Variants in SMYD3 observed in about 807,000 individuals in gnomAD.
The protein encoded by SMYD3 is histone-lysine N-methyltransferase SMYD3.
SMYD3 carries 36 observed loss-of-function variants against 57.7 expected under a neutral mutation model. The ratio of observed to expected loss-of-function variants is 0.62; its 90% confidence interval spans 0.48 to 0.82. SMYD3 has a LOEUF of 0.82. Ranked by LOEUF, SMYD3 falls within the 40% of genes least tolerant of loss-of-function variation. The pLI, the probability that SMYD3 is intolerant of heterozygous loss-of-function variation, is 0.00. For missense variants in SMYD3, 515 were observed against 538.8 expected, an observed-to-expected ratio of 0.96 and a Z score of 0.44; for synonymous variants, 211 against 195.0, an observed-to-expected ratio of 1.08 and a Z score of -0.68.
intron 10 of SMYD3, among the ~76,000 whole-genome samples, chr1:245,857,573 C>A (rs2051314544): frequency 1.5e-5 from 1 of 68,828 alleles, no homozygotes; most frequent in Non-Finnish European, 4.9e-5. Context: ...AATTAAAGAT[C>A]TGCCCAGGTT....
intron 5 of SMYD3, among the ~76,000 whole-genome samples, chr1:246,299,148 G>A (rs1466277458): frequency 6.6e-6 from 1 of 152,056 alleles, no homozygotes; most frequent in Non-Finnish European, 1.5e-5. Context: ...GATGTATACT[G>A]ATGTTCCCTA....
At chr1:245,993,659 C>CAGAT (rs2058860555) in intron 5 of SMYD3, among the ~76,000 whole-genome samples, 1 of 113,790 alleles carries the variant, frequency 8.8e-6, no homozygotes, top group East Asian at 2.4e-4. Context: ...GACAGACAGA[C>CAGAT]AGACAGATAT....
At chr1:245,989,041 C>T (rs1365238869) in intron 5 of SMYD3, among the ~76,000 whole-genome samples, 1 of 152,246 alleles carries the variant, frequency 6.6e-6, no homozygotes, top group Non-Finnish European at 1.5e-5. Flanking sequence ...AGGCTGAACA[C>T]ATTGTAACTT....
intron 5 of SMYD3, among the ~76,000 whole-genome samples, chr1:246,136,593 A>C (rs1263566513): frequency 6.6e-6 from 1 of 152,252 alleles, no homozygotes; most frequent in African/African-American, 2.4e-5. Context: ...GACAATGTAC[A>C]GCATGGGCTC....
rs1293752467 is a variant in SMYD3, at chr1:245,829,094, T to A, written c.1076+29402A>T. Among the ~76,000 whole-genome samples the A allele has an allele frequency of 2.1e-5, 3 of 140,198 alleles. No individual in the cohort carries two copies. The East Asian group carries it at 6.5e-4, about 30-fold the overall frequency. The allele number at this position is 140,198 out of a possible 152,430, so 92.0% of individuals were successfully genotyped here. On this transcript the variant is annotated intron_variant, in intron 10 of 11. Transcript: ENST00000490107. ...GGCTTTTTTTTTTTTTTTTCTGTAC[T>A]GCCCTCCAGAAGGAAGACAATCACT... is the stretch of plus-strand genomic sequence containing the variant.
intron 10 of SMYD3, among the ~76,000 whole-genome samples, chr1:245,791,237 G>A (rs936308504): frequency 2.0e-5 from 3 of 152,160 alleles, no homozygotes; most frequent in Admixed American, 1.3e-4. Flanking sequence ...GGCATCTTAT[G>A]GGGAATAAAA....
rs566010825 is a variant in SMYD3 at position 246,497,179 on chromosome 1, T to G, written c.164+9875A>C. The stretch of plus-strand genomic sequence containing the variant: ...CAACAAGCACAATTTTCCCTCCAGA[T>G]CATACCAACTCCAAGTAAAACTACT... On this transcript the variant is annotated intron_variant, in intron 1 of 11. Coordinates refer to ENST00000490107, the MANE Select transcript of SMYD3 (RefSeq NM_001167740.2). Among the ~76,000 whole-genome samples the G allele has an allele frequency of 3.9e-5, 6 of 152,306 alleles. No homozygotes were observed. The East Asian group carries it at 1.2e-3, about 29-fold the overall frequency.
At chr1:245,751,636 G>GAC (rs2045383146) in intron 11 of SMYD3, among the ~76,000 whole-genome samples, 1 of 151,850 alleles carries the variant, frequency 6.6e-6, no homozygotes, top group Non-Finnish European at 1.5e-5. Context: ...GAGAGAGAGA[G>GAC]AAAGGGCCAG....
At chr1:245,950,280 G>A (rs1300201386) in intron 5 of SMYD3, among the ~76,000 whole-genome samples, 1 of 152,086 alleles carries the variant, frequency 6.6e-6, no homozygotes, top group East Asian at 1.9e-4. Context: ...CCCCCACACT[G>A]CCCCTTGGCT....
At chr1:245,937,109 C>T (rs1401847937) in intron 5 of SMYD3, among the ~76,000 whole-genome samples, 1 of 152,196 alleles carries the variant, frequency 6.6e-6, no homozygotes, top group Non-Finnish European at 1.5e-5. Flanking sequence ...ATACATCCAA[C>T]TGTTTTCACA....
chr1:246,090,863 G>A (rs2060811113), intron 5 of SMYD3, among the ~76,000 whole-genome samples: 1 of 152,034 alleles, frequency 6.6e-6, no homozygotes, highest in African/African-American at 2.4e-5. Context: ...AACTCCTCTT[G>A]TGTGTTCATG....
intron 10 of SMYD3, among the ~76,000 whole-genome samples, chr1:245,802,570 T>C (rs540648634): frequency 6.6e-6 from 1 of 152,324 alleles, no homozygotes; most frequent in African/African-American, 2.4e-5. Flanking sequence ...GAATCAACCA[T>C]GCTTCAGCTA....
At chr1:245,841,167 A>C (rs4417030) in intron 10 of SMYD3, among the ~76,000 whole-genome samples, 93,210 of 152,232 alleles carry the variant, frequency 0.61, 30,090 homozygotes, top group East Asian at 0.98. Context: ...ATGAACTGTT[A>C]ATTTGCCGAT....
intron 10 of SMYD3, among the ~76,000 whole-genome samples, chr1:245,767,645 A>T (rs1434423659): frequency 6.6e-6 from 1 of 152,118 alleles, no homozygotes; most frequent in Non-Finnish European, 1.5e-5. Flanking sequence ...TGGTGATGGG[A>T]TAGGAAGCTG....
chr1:246,501,966 T>C (rs2068462746), intron 1 of SMYD3, among the ~76,000 whole-genome samples: 1 of 152,148 alleles, frequency 6.6e-6, no homozygotes, highest in African/African-American at 2.4e-5. Context: ...GCTGTTGCCT[T>C]TTCTGGCACC....
chr1:246,050,837 C>T (rs1427513801), intron 5 of SMYD3, among the ~76,000 whole-genome samples: 2 of 152,110 alleles, frequency 1.3e-5, no homozygotes, highest in Admixed American at 6.5e-5. Context: ...CAATGTTCCA[C>T]CTAATATTAA....
chr1:246,271,644 TC>T (rs1201648589), intron 5 of SMYD3, among the ~76,000 whole-genome samples: 1 of 152,218 alleles, frequency 6.6e-6, no homozygotes. Context: ...TCCCGTTGAT[TC>T]CATTGGTCTA....
chr1:245,905,740 G>A (rs1473337690), intron 8 of SMYD3, among the ~76,000 whole-genome samples: 3 of 152,158 alleles, frequency 2.0e-5, no homozygotes, highest in Non-Finnish European at 4.4e-5. Flanking sequence ...CCAGGGAGTG[G>A]TTACAGCAGG....
At chr1:245,831,407 C>T (rs1287419971) in intron 10 of SMYD3, among the ~76,000 whole-genome samples, 1 of 152,190 alleles carries the variant, frequency 6.6e-6, no homozygotes, top group Non-Finnish European at 1.5e-5. Context: ...CACCCTCAGA[C>T]ATGAATATTT....
Sources: gnomAD v4.1 joint callset for allele counts (sites outside exome capture counted in the v4.1 genomes callset) on GRCh38, gnomAD v4.1.1 for gene constraint, MANE v1.5 for transcripts, NCBI Gene and HGNC (gene_info 2026-07-23, HGNC 2026-07-21) for gene names.